FBN1: variants seen among roughly 807,000 people sequenced by gnomAD.
FBN1 encodes fibrillin 1, also known as fibrillin-1.
FBN1 carries 29 observed loss-of-function variants against 365.1 expected under a neutral mutation model. The ratio of observed to expected loss-of-function variants is 0.08; its 90% confidence interval spans 0.06 to 0.11. The LOEUF is 0.11. Among genes scored for constraint, FBN1 ranks in the 10% least tolerant of loss-of-function variants. The pLI is 1.00. For synonymous variants in FBN1, 1,210 were observed against 1,270.5 expected, an observed-to-expected ratio of 0.95 and a Z score of 1.01; for missense variants, 2,476 against 3,703.2, an observed-to-expected ratio of 0.67 and a Z score of 8.60.
intron 6 of FBN1, among the ~76,000 whole-genome samples, chr15:48,578,667 T>C (rs2044367302): frequency 6.6e-6 from 1 of 151,748 alleles, no homozygotes; most frequent in South Asian, 2.1e-4. Context: ...CATGGAATAC[T>C]ATGCAGCCAT....
intron 57 of FBN1, chr15:48,428,123 C>T: frequency 1.5e-6 from 1 of 660,800 alleles, no homozygotes. Context: ...CAAGAAATTC[C>T]AAACAAGTGA....
chr15:48,429,776 T>C (rs184880574), intron 56 of FBN1, among the ~76,000 whole-genome samples: 1 of 152,364 alleles, frequency 6.6e-6, no homozygotes, highest in Admixed American at 6.5e-5. Context: ...CCTGCTTCAA[T>C]CTGTATTGTA....
chr15:48,535,361 AC>A (rs1309202978), intron 7 of FBN1, among the ~76,000 whole-genome samples: 2 of 152,212 alleles, frequency 1.3e-5, no homozygotes, highest in Non-Finnish European at 2.9e-5. Context: ...CATTTTCTTC[AC>A]TGTTGTATAA....
At chr15:48,554,221 A>G (rs769141365) in intron 6 of FBN1, among the ~76,000 whole-genome samples, 16 of 152,186 alleles carry the variant, frequency 1.1e-4, no homozygotes, top group Non-Finnish European at 2.1e-4. Context: ...GGCAGATGGA[A>G]CGACAATCTA....
Position 48,617,839 on chromosome 15 carries a change from A to G in FBN1, c.165-4747T>C, listed in dbSNP as rs149760411. Among the ~76,000 whole-genome samples, 338 of 152,324 alleles carry G rather than the reference A, an allele frequency of 2.2e-3. 3 individuals carry two copies. Among genetic ancestry groups the G allele is most frequent in the African/African-American group, 7.6e-3 (318 of 41,578 alleles). On this transcript the variant is annotated intron_variant, in intron 2 of 65. Coordinates refer to ENST00000316623, the MANE Select transcript of FBN1 (RefSeq NM_000138.5). The stretch of plus-strand genomic sequence containing the variant: ...TGCAGTGTGTCCACATTCCTTAGCC[A>G]AAGCCCACTTCTGCAATTTGGCCTC...
chr15:48,602,406 G>A (rs1429762204), intron 4 of FBN1, among the ~76,000 whole-genome samples: 3 of 152,140 alleles, frequency 2.0e-5, no homozygotes, highest in Non-Finnish European at 4.4e-5. Context: ...TACCTCTTAA[G>A]TGCCTAGAGT....
chr15:48,523,728 G>T (rs573005837), intron 9 of FBN1, among the ~76,000 whole-genome samples: 5 of 142,924 alleles, frequency 3.5e-5, no homozygotes, highest in Non-Finnish European at 6.0e-5. Flanking sequence ...GGGGGGAACC[G>T]TTGTGGTGGT....
At chr15:48,484,049 A>G (rs948761376) in intron 30 of FBN1, 106 bp from the exon 31 acceptor site, 2 of 1,140,460 alleles carry the variant, frequency 1.8e-6, no homozygotes, top group Non-Finnish European at 2.6e-6. Flanking sequence ...TACTAGCATA[A>G]GACTATTAAC....
In FBN1 at chr15:48,489,236, A is replaced by T. The variant is rs541917789; in HGVS notation, c.3082+615T>A. Among the ~76,000 whole-genome samples the T allele has an allele frequency of 2.6e-5, 3 of 117,248 alleles. No homozygotes were observed. In the South Asian group the frequency reaches 8.0e-4, roughly 31 times the overall value. 76.9% of individuals were successfully genotyped at this position (117,248 alleles called of 152,430 possible). ...TTTTTTTTTTTTTTTTTTTGTAGAC[A>T]CAGGGTTTCACCATGTTGCCCAGGC... On this transcript the variant is annotated intron_variant, in intron 25 of 65. Transcript: ENST00000316623.
intron 6 of FBN1, among the ~76,000 whole-genome samples, chr15:48,583,156 T>C (rs898205078): frequency 3.3e-5 from 5 of 152,234 alleles, no homozygotes; most frequent in African/African-American, 1.2e-4. Flanking sequence ...TTCATTATTA[T>C]ACATCTCCAG....
chr15:48,567,998 T>TAAGC (rs1555403245), intron 6 of FBN1, among the ~76,000 whole-genome samples: 3 of 56,526 alleles, frequency 5.3e-5, no homozygotes, highest in African/African-American at 3.1e-4. Flanking sequence ...AGTATACAGA[T>TAAGC]AAGAAAGAAA....
intron 53 of FBN1, among the ~76,000 whole-genome samples, chr15:48,435,041 C>T (rs929837338): frequency 5.9e-5 from 9 of 152,192 alleles, no homozygotes; most frequent in African/African-American, 2.2e-4. Context: ...AAGCAATCTG[C>T]CCACCTCGGC....
intron 2 of FBN1, among the ~76,000 whole-genome samples, chr15:48,632,236 T>A (rs1309588012): frequency 6.6e-6 from 1 of 152,248 alleles, no homozygotes; most frequent in African/African-American, 2.4e-5. Context: ...TGTTTCTTAA[T>A]ATAATCATTT....
At chr15:48,538,783 C>A (rs979377556) in intron 6 of FBN1, among the ~76,000 whole-genome samples, 20 of 152,106 alleles carry the variant, frequency 1.3e-4, no homozygotes, top group African/African-American at 4.8e-4. Context: ...ATCCACAAAC[C>A]AACATTTGCA....
rs2043845991 is a variant in FBN1, at chr15:48,520,724, T to A, written c.1082A>T (p.Asp361Val). The change falls in exon 10 of 66, where the codon GAT (aspartate) becomes GTT (valine). Residue 361 changes from aspartate to valine, a missense_variant. Around this residue, in one of 5 missense-constraint regions of FBN1, gnomAD observed 421 missense variants for 520.1 expected, o/e 0.81. Transcript: ENST00000316623. ...CCCTGGAGACCAGCATCGGCCGGCA[T>A]CACAGCAGCACTGCATTTTGGTTAT... ...QSITKMQCCC[D>V]AGRCWSPGVT... The A allele has an allele frequency of 3.1e-6, 5 of 1,614,162 alleles. No homozygotes were observed. Among genetic ancestry groups the A allele is most frequent in the Non-Finnish European group, 4.2e-6 (5 of 1,180,024 alleles).
rs1204556899 is a variant in FBN1 at position 48,420,899 on chromosome 15, T to C, written c.7700-93A>G. 2.0e-5 allele frequency: 28 copies of C among 1,415,792 alleles called. No individual in the cohort carries two copies. The Admixed American group carries it at 4.9e-4, about 25-fold the overall frequency. 87.7% of individuals were successfully genotyped at this position (1,415,792 alleles called of 1,614,324 possible). A position where few individuals can be genotyped will look rare whatever the true frequency, so the allele number is the denominator to read the frequency against. ...TAAGAAATCTGGCCCCTACACATCC[T>C]ACACATTATTCTACCACCAAAAACT... On this transcript the variant is annotated intron_variant, in intron 62 of 65. Coordinates refer to ENST00000316623, the MANE Select transcript of FBN1 (RefSeq NM_000138.5).
At chr15:48,606,146 G>A (rs181604245) in intron 4 of FBN1, among the ~76,000 whole-genome samples, 18 of 152,164 alleles carry the variant, frequency 1.2e-4, no homozygotes, top group African/African-American at 3.4e-4. Context: ...TGGTACATAC[G>A]GCGACTCCAA....
intron 32 of FBN1, among the ~76,000 whole-genome samples, chr15:48,478,780 T>A (rs1006752341): frequency 5.9e-5 from 9 of 152,146 alleles, no homozygotes; most frequent in African/African-American, 2.2e-4. Context: ...ACCCTTAGCA[T>A]CTGTGTGGGC....
At chr15:48,634,775 A>T (rs993216300) in intron 2 of FBN1, among the ~76,000 whole-genome samples, 36 of 151,364 alleles carry the variant, frequency 2.4e-4, no homozygotes, top group African/African-American at 7.5e-4. Flanking sequence ...GAAGAAAAAG[A>T]AGAAAAGGAA....
Sources: allele counts gnomAD v4.1 joint callset (sites outside exome capture counted in the v4.1 genomes callset), GRCh38; gene constraint gnomAD v4.1.1; regional missense constraint gnomAD v4.1.1; transcripts MANE v1.5; gene names NCBI Gene and HGNC (gene_info 2026-07-23, HGNC 2026-07-21).